Variants in PRR16 observed in about 807,000 individuals in gnomAD.
The protein encoded by PRR16 is protein Largen.
In PRR16, 6 loss-of-function variants were observed where a neutral mutation model predicts 18.2. The observed-to-expected ratio is 0.33, with a 90% CI of 0.18 to 0.65. The LOEUF (loss-of-function observed/expected upper bound fraction) is 0.65, where lower values mean the gene tolerates loss of function less well. PRR16 is among the 30% of genes least tolerant of loss of function. The pLI, the probability that PRR16 is intolerant of heterozygous loss-of-function variation, is 0.74. For missense variants in PRR16, 412 were observed against 376.6 expected, an observed-to-expected ratio of 1.09 and a Z score of -0.78; for synonymous variants, 151 against 147.8, an observed-to-expected ratio of 1.02 and a Z score of -0.16.
intron 1 of PRR16, among the ~76,000 whole-genome samples, chr5:120,610,067 C>T (rs971227080): frequency 1.3e-5 from 2 of 152,066 alleles, no homozygotes; most frequent in African/African-American, 4.8e-5. Context: ...GCACCTATAC[C>T]GTTATCCTGA....
the PRR16 span, among the ~76,000 whole-genome samples, chr5:120,759,883 T>C: frequency 1.3e-5 from 2 of 152,168 alleles, no homozygotes; most frequent in East Asian, 3.9e-4. Context: ...TTGAAAATCA[T>C]TTAGAAGGTT....
chr5:120,617,963 C>T (rs1580793175), intron 1 of PRR16, among the ~76,000 whole-genome samples: 1 of 152,066 alleles, frequency 6.6e-6, no homozygotes, highest in East Asian at 1.9e-4. Flanking sequence ...TTTCTTTGGT[C>T]TCAGTATTTT....
rs757168267 is a variant in PRR16 at position 120,686,633 on chromosome 5, C to T, written c.839C>T (p.Pro280Leu). 1.1e-4 allele frequency: 173 copies of T among 1,605,410 alleles called. No homozygotes were observed. The highest frequency in any genetic ancestry group is 1.4e-4 in the Non-Finnish European group (163 of 1,175,158). ...AGTAACAGCTTCCCCCCTATCAGAC[C>T]TGCAACTGTGCCTCCTCCCACTGCA... is the stretch of plus-strand genomic sequence containing the variant. ...SHSNSFPPIR[P>L]ATVPPPTAPK... The change falls in exon 2 of 2, where the codon CCT (proline) becomes CTT (leucine). Residue 280 changes from proline (P) to leucine (L), a missense_variant. Pro to Leu is a moderately conservative substitution (Grantham distance 98). Transcript: ENST00000407149.
chr5:120,539,447 A>G (rs1235150781), intron 1 of PRR16, among the ~76,000 whole-genome samples: 1 of 152,106 alleles, frequency 6.6e-6, no homozygotes, highest in Non-Finnish European at 1.5e-5. Flanking sequence ...TTAAATTACT[A>G]CTAAATAATT....
At chr5:120,785,035 G>C in the PRR16 span, among the ~76,000 whole-genome samples, 102 of 152,260 alleles carry the variant, frequency 6.7e-4, no homozygotes, top group Admixed American at 1.2e-3. Flanking sequence ...CAAATAAAAG[G>C]AATCTCTCCC....
chr5:120,617,889 A>C lies in PRR16; in HGVS notation c.160-68065A>C, dbSNP rs540591455. On this transcript the variant is annotated intron_variant, in intron 1 of 1. Coordinates refer to ENST00000407149, the MANE Select transcript of PRR16 (RefSeq NM_001300783.2). ...TAACAAAGTGAAAACATGCATAGTC[A>C]AGGTCAATAATTTTTTTTATTGCAA... Among the ~76,000 whole-genome samples, 74 of 152,262 alleles carry C rather than the reference A, an allele frequency of 4.9e-4. 1 individual carries two copies. The highest frequency in any genetic ancestry group is 2.9e-3 in the South Asian group (14 of 4,818).
intron 1 of PRR16, among the ~76,000 whole-genome samples, chr5:120,640,665 G>T (rs537956415): frequency 8.4e-4 from 128 of 152,160 alleles, no homozygotes; most frequent in African/African-American, 2.9e-3. Context: ...CTGCTGTTTT[G>T]TTCACAGGGT....
At chr5:120,497,275 C>T (rs929273970) in intron 1 of PRR16, among the ~76,000 whole-genome samples, 24 of 150,622 alleles carry the variant, frequency 1.6e-4, no homozygotes, top group Admixed American at 6.6e-4. Context: ...CTAGTTACCC[C>T]GTCAGTTTTG....
At chr5:120,586,724 T>C (rs1753456480) in intron 1 of PRR16, among the ~76,000 whole-genome samples, 1 of 152,120 alleles carries the variant, frequency 6.6e-6, no homozygotes, top group Non-Finnish European at 1.5e-5. Context: ...TCTTTCTTCC[T>C]CTCCTTGGTC....
At chr5:120,481,075 A>G (rs1457540137) in intron 1 of PRR16, 8 of 1,168,416 alleles carry the variant, frequency 6.8e-6, no homozygotes, top group Non-Finnish European at 8.7e-6. Flanking sequence ...ACTTTGGCCC[A>G]TCTAATTCCC....
intron 1 of PRR16, among the ~76,000 whole-genome samples, chr5:120,577,298 A>G (rs549903641): frequency 1.4e-4 from 21 of 152,050 alleles, no homozygotes; most frequent in Non-Finnish European, 2.9e-4. Context: ...TTGAGAAGTC[A>G]CTTGCATATG....
chr5:120,677,901 CTTTCTTTTTTT>C (rs1372438140), intron 1 of PRR16, among the ~76,000 whole-genome samples: 2 of 75,906 alleles, frequency 2.6e-5, no homozygotes, highest in African/African-American at 4.6e-5. Context: ...TTTTCTTTTT[CTTTCTTTTTTT>C]TTTTTTTTTT....
chr5:120,566,052 A>G (rs1349021658), intron 1 of PRR16, among the ~76,000 whole-genome samples: 2 of 152,212 alleles, frequency 1.3e-5, no homozygotes, highest in Non-Finnish European at 2.9e-5. Flanking sequence ...TTGCCATTGC[A>G]GCAATATTAA....
At chr5:120,483,999 G>C (rs1055873136) in intron 1 of PRR16, among the ~76,000 whole-genome samples, 3 of 151,914 alleles carry the variant, frequency 2.0e-5, no homozygotes, top group Non-Finnish European at 4.4e-5. Flanking sequence ...CAAATTAGAA[G>C]GGGTTACAAG....
chr5:120,471,556 T>A (rs1188154357), intron 1 of PRR16, among the ~76,000 whole-genome samples: 1 of 152,106 alleles, frequency 6.6e-6, no homozygotes. Context: ...AATGATGTCA[T>A]ATGTATATAT....
the PRR16 span, among the ~76,000 whole-genome samples, chr5:120,766,142 T>G: frequency 6.6e-6 from 1 of 152,042 alleles, no homozygotes; most frequent in African/African-American, 2.4e-5. Flanking sequence ...CCGTGAGTTT[T>G]GTGTCTGTAT....
the PRR16 span, among the ~76,000 whole-genome samples, chr5:120,696,880 A>G: frequency 6.6e-6 from 1 of 152,246 alleles, no homozygotes; most frequent in East Asian, 1.9e-4. Flanking sequence ...AAAACATGTT[A>G]TACTTGACAA....
chr5:120,700,505 T>G, the PRR16 span, among the ~76,000 whole-genome samples: 2 of 151,542 alleles, frequency 1.3e-5, no homozygotes, highest in Admixed American at 1.3e-4. Flanking sequence ...CAATGAGATA[T>G]AGCTGTAGTC....
At chr5:120,615,569 T>C (rs1754484125) in intron 1 of PRR16, among the ~76,000 whole-genome samples, 1 of 152,024 alleles carries the variant, frequency 6.6e-6, no homozygotes, top group Non-Finnish European at 1.5e-5. Flanking sequence ...GTATTCGTTG[T>C]AGATTTAAAG....
Sources: gnomAD v4.1 joint callset for allele counts (sites outside exome capture counted in the v4.1 genomes callset) on GRCh38, gnomAD v4.1.1 for gene constraint, MANE v1.5 for transcripts, NCBI Gene and HGNC (gene_info 2026-07-23, HGNC 2026-07-21) for gene names.